The following BID variants were observed in gnomAD, a reference collection of about 807,000 sequenced individuals.
BID encodes BH3 interacting domain death agonist.
A neutral mutation model predicts 17.4 loss-of-function variants in BID; 19 were observed. That is an observed-to-expected ratio of 1.09 (90% CI 0.76 to 1.60). The LOEUF (loss-of-function observed/expected upper bound fraction) is 1.60. Ranked by LOEUF, BID falls within the 40% of genes most tolerant of loss-of-function variation. The pLI is 0.00. For synonymous variants in BID, 108 were observed against 102.8 expected, an observed-to-expected ratio of 1.05 and a Z score of -0.31; for missense variants, 226 against 256.0, an observed-to-expected ratio of 0.88 and a Z score of 0.80.
Position 17,738,120 on chromosome 22 carries a change from T to C in BID, c.473A>G (p.Lys158Arg), listed in dbSNP as rs760590436. 6.2e-7 allele frequency: 1 copy of C among 1,614,098 alleles called. No homozygotes were observed. Among genetic ancestry groups the C allele is most frequent in the East Asian group, 2.2e-5 (1 of 44,878 alleles). ...CAAGGACGGCGTGTGACTGGCCACCTTCTTGGCCAGCAGCAGGGCCAGCAC... is the reference window on the plus strand; with the variant it reads ...CAAGGACGGCGTGTGACTGGCCACCCTCTTGGCCAGCAGCAGGGCCAGCAC... ...MLVLALLLAK[K>R]VASHTPSLLR... Residue 158 changes from lysine to arginine, a missense_variant, in exon 5 of 6, where the codon AAG (lysine) becomes AGG (arginine). Coordinates refer to ENST00000622694, the MANE Select transcript of BID (RefSeq NM_001196.4).
In BID at chr22:17,769,747, C is replaced by T. The variant is rs2145924029; in HGVS notation, c.-59+4634G>A. Among the ~76,000 whole-genome samples the T allele has an allele frequency of 6.6e-6, 1 of 152,284 alleles. No homozygotes were observed. Among genetic ancestry groups the T allele is most frequent in the Non-Finnish European group, 1.5e-5 (1 of 68,006 alleles). ...GTCCAGGAGGCAGCCATCCCAAACG[C>T]AGTGACCTCCAGCACCCAAAGCTCA... On this transcript the variant is annotated intron_variant, in intron 1 of 5. Coordinates refer to ENST00000622694, the MANE Select transcript of BID (RefSeq NM_001196.4). The surrounding 1 kb of genome is among the most constrained non-coding windows in gnomAD (Gnocchi z 4.8).
At chr22:17,766,364 C>T (rs140719238) in intron 1 of BID, among the ~76,000 whole-genome samples, 1,596 of 150,100 alleles carry the variant, frequency 0.011, 31 homozygotes, top group African/African-American at 0.037. Flanking sequence ...TCACTGCAAG[C>T]TCCGCCTCCC....
At chr22:17,739,243 C>A in intron 4 of BID, 106 bp downstream of exon 4, 1 of 1,383,206 alleles carries the variant, frequency 7.2e-7, no homozygotes. Context: ...ACCTGACAGT[C>A]ACGAGTTGAG....
intron 2 of BID, among the ~76,000 whole-genome samples, chr22:17,748,896 C>G (rs8190298): frequency 6.6e-6 from 1 of 152,220 alleles, no homozygotes; most frequent in Non-Finnish European, 1.5e-5. Flanking sequence ...TGACAACAAG[C>G]CTGGATCAGG....
Position 17,735,235 on chromosome 22 carries a change from C to A in BID, c.*345G>T. The A allele has an allele frequency of 4.1e-6, 1 of 243,750 alleles. No individual in the cohort carries two copies. The highest frequency in any genetic ancestry group is 7.9e-6 in the Non-Finnish European group (1 of 126,880). 15.1% of individuals were successfully genotyped at this position (243,750 alleles called of 1,614,324 possible). On this transcript the variant is annotated 3_prime_UTR_variant, in exon 6 of 6. Transcript: ENST00000622694. Reference sequence around the variant, plus strand: ...TTACCAAAAAAATTGTATTTTGTTTCTACTTCCTTGAAACCTGCTTTCCAA... The same window carrying A: ...TTACCAAAAAAATTGTATTTTGTTTATACTTCCTTGAAACCTGCTTTCCAA...
rs766576105 is a variant in BID at position 17,735,607 on chromosome 22, A to T, written c.577-16T>A. The T allele has an allele frequency of 8.7e-6, 14 of 1,614,130 alleles. No homozygotes were observed. Among genetic ancestry groups the T allele is most frequent in the Middle Eastern group, 1.7e-4 (1 of 6,060 alleles). On this transcript the variant is annotated splice_polypyrimidine_tract_variant and intron_variant, in intron 5 of 5. Coordinates refer to ENST00000622694, the MANE Select transcript of BID (RefSeq NM_001196.4). ...AGTCCATCCCCTAGAGCAAGAAAGG[A>T]GAAAAAGCCAGAATCAGCTAGGCTC...
chr22:17,743,769 A>G, intron 3 of BID, 34 bp downstream of exon 3: 1 of 1,580,600 alleles, frequency 6.3e-7, no homozygotes, highest in Non-Finnish European at 8.6e-7. Context: ...AGAGAAGCCC[A>G]GCTTTGGGGA....
intron 2 of BID, 103 bp downstream of exon 2, chr22:17,750,002 G>C: frequency 1.7e-6 from 2 of 1,165,712 alleles, no homozygotes; most frequent in Non-Finnish European, 2.5e-6. Flanking sequence ...AGGGCCAGGC[G>C]GGCTCAGCCT....
At chr22:17,756,506 T>C (rs199865658) in intron 1 of BID, among the ~76,000 whole-genome samples, 22 of 142,352 alleles carry the variant, frequency 1.5e-4, no homozygotes, top group African/African-American at 5.0e-4. Context: ...CTCTCTCTCT[T>C]TCTGTCTGTC....
chr22:17,741,220 C>T (rs1227178640), intron 3 of BID: 1 of 152,280 alleles, frequency 6.6e-6, no homozygotes, highest in Admixed American at 6.6e-5. Flanking sequence ...ACAGCACAGA[C>T]CTCAGAGCAG....
chr22:17,736,187 G>A (rs377219663), intron 5 of BID, among the ~76,000 whole-genome samples: 2 of 152,160 alleles, frequency 1.3e-5, no homozygotes, highest in Admixed American at 6.5e-5. Flanking sequence ...TAGGCCGGGC[G>A]CAGTGGCTCA....
At chr22:17,763,270 G>A (rs1245236829) in intron 1 of BID, among the ~76,000 whole-genome samples, 2 of 148,736 alleles carry the variant, frequency 1.3e-5, no homozygotes, top group African/African-American at 5.0e-5. Flanking sequence ...TTGAGACATA[G>A]TCTGGCTCTG....
At position 17,739,702 on chromosome 22, in the gene BID, G is replaced by C. The variant is rs553445538; in HGVS notation, c.224-214C>G. The stretch of plus-strand genomic sequence containing the variant: ...GGCAGTGCCGGAGCTCAGGGCCTCG[G>C]CTGAGGCCCAGGCTCCCGCACACAG... On this transcript the variant is annotated intron_variant, in intron 3 of 5. Coordinates refer to ENST00000622694, the MANE Select transcript of BID (RefSeq NM_001196.4). The C allele has an allele frequency of 1.2e-5, 8 of 641,578 alleles. No homozygotes were observed. In the African/African-American group the frequency reaches 1.3e-4, roughly 10 times the overall value. 39.7% of individuals were successfully genotyped at this position (641,578 alleles called of 1,614,324 possible).
In BID at chr22:17,738,146, C is replaced by A. The variant is rs150956841; in HGVS notation, c.447G>T (p.Leu149=). 2.8e-5 allele frequency: 45 copies of A among 1,613,834 alleles called. No homozygotes were observed. The South Asian group carries it at 4.5e-4, about 16-fold the overall frequency. Residue 149 remains leucine, a synonymous_variant, in exon 5 of 6, where the codon CTG becomes CTT. Transcript: ENST00000622694. ...PRDMEKEKTM[L]VLALLLAKKV... ...TCTTGGCCAGCAGCAGGGCCAGCACCAGCATGGTCTTCTCCTTCTCCATGT... is the reference window on the plus strand; with the variant it reads ...TCTTGGCCAGCAGCAGGGCCAGCACAAGCATGGTCTTCTCCTTCTCCATGT...
intron 1 of BID, among the ~76,000 whole-genome samples, chr22:17,760,589 C>T (rs1300705530): frequency 6.6e-6 from 1 of 151,954 alleles, no homozygotes; most frequent in African/African-American, 2.4e-5. Context: ...AACACATCAG[C>T]TATATTCCAA....
At chr22:17,745,809 T>C (rs1165041652) in intron 2 of BID, among the ~76,000 whole-genome samples, 1 of 151,674 alleles carries the variant, frequency 6.6e-6, no homozygotes, top group Non-Finnish European at 1.5e-5. Context: ...CTACTAAAAA[T>C]ACAAAAATTA....
intron 5 of BID, 84 bp downstream of exon 5, chr22:17,737,933 A>G: frequency 7.0e-7 from 1 of 1,423,060 alleles, no homozygotes; most frequent in Non-Finnish European, 9.9e-7. Context: ...CATCAGAGGC[A>G]GGGGCCCCGC....
chr22:17,758,552 A>T (rs1176079959), intron 1 of BID, among the ~76,000 whole-genome samples: 1 of 152,234 alleles, frequency 6.6e-6, no homozygotes, highest in African/African-American at 2.4e-5. Context: ...TGTCTAACAG[A>T]TGAGTGGAAA....
chr22:17,760,167 C>T (rs2061626404), intron 1 of BID, among the ~76,000 whole-genome samples: 1 of 146,270 alleles, frequency 6.8e-6, no homozygotes, highest in African/African-American at 2.5e-5. Flanking sequence ...CATATCTGGC[C>T]GGGCACAATG....
Sources: gnomAD v4.1 joint callset for allele counts (sites outside exome capture counted in the v4.1 genomes callset) on GRCh38, gnomAD v4.1.1 for gene constraint, Gnocchi (gnomAD v3.1) non-coding constraint, MANE v1.5 for transcripts, NCBI Gene and HGNC (gene_info 2026-07-23, HGNC 2026-07-21) for gene names.